ADAMTS18: variants seen among roughly 807,000 people sequenced by gnomAD.
ADAMTS18 encodes the protein A disintegrin and metalloproteinase with thrombospondin motifs 18.
Under a neutral mutation model 165.9 loss-of-function variants are expected in ADAMTS18, and 157 were observed. The ratio of observed to expected loss-of-function variants is 0.95; its 90% CI spans 0.83 to 1.08. The LOEUF (loss-of-function observed/expected upper bound fraction) is 1.08. ADAMTS18 is among the 50% of genes least tolerant of loss of function. ADAMTS18 has a pLI of 0.00. For missense variants in ADAMTS18, 2,040 were observed against 1,534.0 expected (o/e 1.33, Z -5.51); for synonymous variants, 782 against 578.2 (o/e 1.35, Z -5.06).
intron 16 of ADAMTS18, among the ~76,000 whole-genome samples, chr16:77,308,577 TGAAA>T (rs774441882): frequency 3.5e-5 from 1 of 28,574 alleles, no homozygotes; most frequent in African/African-American, 1.8e-4. Flanking sequence ...TAGCTAATCA[TGAAA>T]AAAAAAAAAA....
intron 17 of ADAMTS18, among the ~76,000 whole-genome samples, chr16:77,298,028 G>A (rs144869785): frequency 6.9e-6 from 1 of 145,422 alleles, no homozygotes; most frequent in Non-Finnish European, 1.5e-5. Context: ...GGGTTCAAGC[G>A]ATTCTCCTGC....
rs531196517 is a variant in ADAMTS18, at chr16:77,320,070, G to A, written c.2311C>T (p.Pro771Ser). 3 of 1,613,960 alleles carry A rather than the reference G, an allele frequency of 1.9e-6. No individual in the cohort carries two copies. The highest frequency in any genetic ancestry group is 2.2e-5 in the East Asian group (1 of 44,844). The change falls in exon 16 of 23, where the codon CCA becomes TCA. Residue 771 changes from proline (P) to serine (S), a missense_variant. Physicochemically the swap from Pro to Ser is moderately conservative, Grantham distance 74. Transcript: ENST00000282849. ...ANEYYPVVLI[P>S]AGARSIEIQE... ...ATTTCGATGCTTCGGGCGCCAGCTG[G>A]AATGAGGACCACCGGATAATATTCT...
Position 77,367,429 on chromosome 16 carries a change from T to C in ADAMTS18, c.778+12A>G. The C allele has an allele frequency of 1.2e-6, 2 of 1,614,108 alleles. No individual in the cohort carries two copies. The highest frequency in any genetic ancestry group is 2.7e-5 in the African/African-American group (2 of 75,052). On this transcript the variant is annotated intron_variant, in intron 4 of 22. Coordinates refer to ENST00000282849, the MANE Select transcript of ADAMTS18 (RefSeq NM_199355.4). ...ACATAAGAACAGAAAAAGAAAAAGT[T>C]TCCTTACATACATTTCTTGCGTCGT...
intron 10 of ADAMTS18, 97 bp from the exon 11 acceptor site, chr16:77,341,896 C>G: frequency 1.0e-6 from 1 of 990,856 alleles, no homozygotes; most frequent in Non-Finnish European, 1.5e-6. Flanking sequence ...TTTGGGGTAG[C>G]TGAAATCAGA....
intron 16 of ADAMTS18, among the ~76,000 whole-genome samples, chr16:77,317,919 C>T (rs975265428): frequency 6.6e-6 from 1 of 152,058 alleles, no homozygotes; most frequent in African/African-American, 2.4e-5. Flanking sequence ...TGAAAAATTG[C>T]CTTATTCATC....
chr16:77,433,506 G>T (rs1357979808), intron 2 of ADAMTS18: 1 of 152,272 alleles, frequency 6.6e-6, no homozygotes, highest in African/African-American at 2.4e-5. Flanking sequence ...TTGTGGCTGG[G>T]TCGGACGTGG....
At chr16:77,291,055 C>T in intron 21 of ADAMTS18, 1 of 538,936 alleles carries the variant, frequency 1.9e-6, no homozygotes, top group Non-Finnish European at 3.3e-6. Flanking sequence ...TCAACTCTCC[C>T]AGATAATGAT....
chr16:77,430,336 A>AG (rs2057723799), intron 3 of ADAMTS18, among the ~76,000 whole-genome samples: 1 of 152,202 alleles, frequency 6.6e-6, no homozygotes, highest in African/African-American at 2.4e-5. Flanking sequence ...AGGCCATAAT[A>AG]GGGGGAAAAA....
intron 16 of ADAMTS18, among the ~76,000 whole-genome samples, chr16:77,319,285 G>A (rs191767053): frequency 1.3e-4 from 20 of 152,226 alleles, no homozygotes; most frequent in Admixed American, 3.9e-4. Flanking sequence ...ATTCTTTGGC[G>A]TTCTTGAAAC....
intron 3 of ADAMTS18, among the ~76,000 whole-genome samples, chr16:77,374,229 A>G (rs1344590866): frequency 2.0e-5 from 3 of 152,024 alleles, no homozygotes; most frequent in Admixed American, 2.0e-4. Context: ...AAAAAAAAAA[A>G]AAAAAAATTG....
intron 3 of ADAMTS18, among the ~76,000 whole-genome samples, chr16:77,387,379 G>A (rs2057123242): frequency 1.3e-5 from 2 of 152,026 alleles, no homozygotes; most frequent in Admixed American, 6.6e-5. Context: ...TCGCTGTCAC[G>A]GGATAAATTA....
At chr16:77,382,747 G>A (rs988643292) in intron 3 of ADAMTS18, among the ~76,000 whole-genome samples, 2 of 152,176 alleles carry the variant, frequency 1.3e-5, no homozygotes, top group African/African-American at 2.4e-5. Flanking sequence ...TGACCAAGAC[G>A]ACAGCTAGCA....
At chr16:77,392,528 C>G (rs116409587) in intron 3 of ADAMTS18, among the ~76,000 whole-genome samples, 3 of 152,198 alleles carry the variant, frequency 2.0e-5, no homozygotes, top group Non-Finnish European at 4.4e-5. Context: ...CACCCCATCA[C>G]TTCCCATGCC....
chr16:77,310,161 G>A (rs1379652869), intron 16 of ADAMTS18, among the ~76,000 whole-genome samples: 1 of 152,220 alleles, frequency 6.6e-6, no homozygotes, highest in African/African-American at 2.4e-5. Context: ...CTCCTTTTAT[G>A]TTTTGCTTCC....
At chr16:77,393,534 T>G (rs1024284688) in intron 3 of ADAMTS18, among the ~76,000 whole-genome samples, 4 of 152,124 alleles carry the variant, frequency 2.6e-5, no homozygotes, top group Admixed American at 2.0e-4. Context: ...GGGAAGTGAT[T>G]AGATCCAAAA....
chr16:77,423,269 T>C (rs1432910627), intron 3 of ADAMTS18, among the ~76,000 whole-genome samples: 1 of 152,194 alleles, frequency 6.6e-6, no homozygotes, highest in African/African-American at 2.4e-5. Flanking sequence ...AGTTAATAAA[T>C]ATTAACTGTT....
chr16:77,381,789 G>C (rs950325435), intron 3 of ADAMTS18, among the ~76,000 whole-genome samples: 1 of 152,122 alleles, frequency 6.6e-6, no homozygotes, highest in Non-Finnish European at 1.5e-5. Flanking sequence ...GTGACAGAGC[G>C]AGACTCCATC....
At chr16:77,409,979 C>T (rs1226154835) in intron 3 of ADAMTS18, among the ~76,000 whole-genome samples, 1 of 152,114 alleles carries the variant, frequency 6.6e-6, no homozygotes, top group African/African-American at 2.4e-5. Context: ...CCCGATACTA[C>T]TTACCTGGGG....
chr16:77,411,080 G>A (rs537138738), intron 3 of ADAMTS18, among the ~76,000 whole-genome samples: 1 of 152,292 alleles, frequency 6.6e-6, no homozygotes, highest in Admixed American at 6.5e-5. Context: ...TTTAGGTGAT[G>A]AGTGGAACAG....
Sources: allele counts gnomAD v4.1 joint callset (sites outside exome capture counted in the v4.1 genomes callset), GRCh38; gene constraint gnomAD v4.1.1; transcripts MANE v1.5; gene names NCBI Gene and HGNC (gene_info 2026-07-23, HGNC 2026-07-21).